The following EEF2K variants were observed in gnomAD, a reference collection of about 807,000 sequenced individuals.
The protein encoded by EEF2K is eukaryotic elongation factor 2 kinase, also known as alternative protein EEF2K.
Under a neutral mutation model 93.8 loss-of-function variants are expected in EEF2K, and 70 were observed. The observed-to-expected ratio is 0.75, with a 90% confidence interval of 0.62 to 0.91. The LOEUF (loss-of-function observed/expected upper bound fraction) is 0.91. Among genes scored for constraint, EEF2K ranks in the 40% least tolerant of loss-of-function variants. EEF2K has a pLI of 0.00. For missense variants in EEF2K, 935 were observed against 972.9 expected, an observed-to-expected ratio of 0.96 and a Z score of 0.52; for synonymous variants, 376 against 380.8, an observed-to-expected ratio of 0.99 and a Z score of 0.15.
At chr16:22,274,024 G>A (rs916101617) in intron 16 of EEF2K, among the ~76,000 whole-genome samples, 3 of 152,224 alleles carry the variant, frequency 2.0e-5, no homozygotes, top group African/African-American at 7.2e-5. Context: ...CATGTGGTAT[G>A]GCTGGGCGCG....
At chr16:22,240,249 A>G (rs2047208944) in intron 2 of EEF2K, among the ~76,000 whole-genome samples, 1 of 152,220 alleles carries the variant, frequency 6.6e-6, no homozygotes, top group African/African-American at 2.4e-5. Flanking sequence ...TGAATAATCA[A>G]GTCAATAACA....
rs2047678727 is a variant in EEF2K, at chr16:22,280,208, T to G, written c.1900T>G (p.Trp634Gly). 17 of 1,509,072 alleles carry G rather than the reference T, an allele frequency of 1.1e-5. No individual in the cohort carries two copies. The highest frequency in any genetic ancestry group is 1.4e-5 in the Non-Finnish European group (16 of 1,125,128). 93.5% of individuals were successfully genotyped at this position (1,509,072 alleles called of 1,614,324 possible). A position where few individuals can be genotyped will look rare whatever the true frequency, so the allele number is the denominator to read the frequency against. ...QNLSPDRCQD[W>G]LEALHWYNTA... Reference sequence around the variant, plus strand: ...GTATCTCCTGGCAAGGTGCCAAGACTGGCTAGAGGCCCTGCACTGGTACAA... The same window carrying G: ...GTATCTCCTGGCAAGGTGCCAAGACGGGCTAGAGGCCCTGCACTGGTACAA... The change falls in exon 17 of 18, where the codon TGG becomes GGG. Residue 634 changes from tryptophan (W) to glycine (G), a missense_variant. Coordinates refer to ENST00000263026, the MANE Select transcript of EEF2K (RefSeq NM_013302.5).
chr16:22,286,539 C>G lies in EEF2K; in HGVS notation c.*2543C>G, dbSNP rs1011597898. 1 of 152,252 alleles carries G rather than the reference C, an allele frequency of 6.6e-6. No individual in the cohort carries two copies. Among genetic ancestry groups the G allele is most frequent in the Admixed American group, 6.5e-5 (1 of 15,284 alleles). 9.4% of individuals were successfully genotyped at this position (152,252 alleles called of 1,614,324 possible). ...GGCCATATAGCCTCTGCTGCAAATG[C>G]TCAGCCCTGCTGTTGTAATGTAAAA... On this transcript the variant is annotated 3_prime_UTR_variant, in exon 18 of 18. Transcript: ENST00000263026.
At chr16:22,268,163 CTTAT>C (rs1295208666) in intron 15 of EEF2K, among the ~76,000 whole-genome samples, 1 of 152,036 alleles carries the variant, frequency 6.6e-6, no homozygotes, top group Admixed American at 6.6e-5. Context: ...TGATTAAAAA[CTTAT>C]TTATTTATTG....
intron 2 of EEF2K, among the ~76,000 whole-genome samples, chr16:22,238,523 A>G (rs920168292): frequency 6.6e-5 from 10 of 151,922 alleles, no homozygotes; most frequent in African/African-American, 2.4e-4. Context: ...GTGAGCACCC[A>G]TAGTCCCAGC....
intron 6 of EEF2K, among the ~76,000 whole-genome samples, chr16:22,256,162 A>G (rs1412847485): frequency 1.3e-5 from 2 of 151,974 alleles, no homozygotes; most frequent in African/African-American, 2.4e-5. Flanking sequence ...CAGTGGTGCA[A>G]TCTTGGCTCA....
At chr16:22,255,236 A>G (rs910157906) in intron 6 of EEF2K, among the ~76,000 whole-genome samples, 2 of 152,208 alleles carry the variant, frequency 1.3e-5, no homozygotes, top group Non-Finnish European at 2.9e-5. Context: ...GGCATAGTCT[A>G]AGTTGCTTAG....
intron 4 of EEF2K, among the ~76,000 whole-genome samples, chr16:22,250,403 C>A (rs1263517408): frequency 6.6e-6 from 1 of 152,108 alleles, no homozygotes; most frequent in Non-Finnish European, 1.5e-5. Flanking sequence ...CATCATCCTG[C>A]CCCCGTGGAT....
intron 6 of EEF2K, among the ~76,000 whole-genome samples, chr16:22,251,905 C>T (rs1941937589): frequency 6.6e-6 from 1 of 152,058 alleles, no homozygotes. Context: ...ACAATCCTCC[C>T]AGCTTGGCCT....
chr16:22,219,722 A>G (rs1357367174), intron 1 of EEF2K, among the ~76,000 whole-genome samples: 1 of 152,238 alleles, frequency 6.6e-6, no homozygotes, highest in East Asian at 1.9e-4. Context: ...AGTAGAAAGG[A>G]AAAAAGAAAA....
In EEF2K at chr16:22,253,980, T is replaced by G. The variant is rs1469931525; in HGVS notation, c.618+2658T>G. On this transcript the variant is annotated intron_variant, in intron 6 of 17. Transcript: ENST00000263026. ...TGGGCATGGTGGTGCACGCCTGTAA[T>G]CCCAGCTACTTGGGAGGCTGAGGCA... Among the ~76,000 whole-genome samples, 3 of 152,184 alleles carry G rather than the reference T, an allele frequency of 2.0e-5. No homozygotes were observed. The East Asian group carries it at 5.8e-4, about 29-fold the overall frequency.
chr16:22,268,313 G>A (rs967977702), intron 15 of EEF2K, among the ~76,000 whole-genome samples: 1 of 151,928 alleles, frequency 6.6e-6, no homozygotes, highest in African/African-American at 2.4e-5. Flanking sequence ...CGAGTAGCTG[G>A]GATTACAGGT....
intron 7 of EEF2K, 21 bp downstream of exon 7, chr16:22,256,918 A>G (rs370290772): frequency 6.2e-7 from 1 of 1,612,286 alleles, no homozygotes; most frequent in African/African-American, 1.3e-5. Context: ...GCTCACCTCC[A>G]CCCTCTGCCC....
chr16:22,266,715 G>T lies in EEF2K; in HGVS notation c.1603G>T (p.Glu535Ter). 1.9e-6 allele frequency: 3 copies of T among 1,613,130 alleles called. No individual in the cohort carries two copies. Among genetic ancestry groups the T allele is most frequent in the Non-Finnish European group, 2.5e-6 (3 of 1,179,506 alleles). Residue 535 changes from glutamate (E) to a stop codon, truncating the protein, a stop_gained, in exon 15 of 18, where the codon GAG (glutamate) becomes TAG (stop). Transcript: ENST00000263026. LOFTEE classifies it high-confidence loss of function. ...KVHLAMVRYH[E>*]GGRFCEKGEE... Reference sequence around the variant, plus strand: ...CCATCTGGCCATGGTGCGCTACCACGAGGGTGGGCGCTTCTGCGAGAAGGG... The same window carrying T: ...CCATCTGGCCATGGTGCGCTACCACTAGGGTGGGCGCTTCTGCGAGAAGGG...
In EEF2K at chr16:22,286,524, C is replaced by T. The variant is rs2047754932; in HGVS notation, c.*2528C>T. On this transcript the variant is annotated 3_prime_UTR_variant, in exon 18 of 18. Transcript: ENST00000263026. ...ATTTTAGGCTTTGCAGGCCATATAG[C>T]CTCTGCTGCAAATGCTCAGCCCTGC... The T allele has an allele frequency of 1.3e-5, 2 of 152,194 alleles. No homozygotes were observed. Among genetic ancestry groups the T allele is most frequent in the Non-Finnish European group, 2.9e-5 (2 of 68,040 alleles). 9.4% of individuals were successfully genotyped at this position (152,194 alleles called of 1,614,324 possible). A position where few individuals can be genotyped will look rare whatever the true frequency, so the allele number is the denominator to read the frequency against.
At chr16:22,265,167 T>TAAGA in intron 13 of EEF2K, 10 of 314,616 alleles carry the variant, frequency 3.2e-5, no homozygotes, top group South Asian at 1.8e-4. Context: ...TGAAGGCACT[T>TAAGA]CGCAGTAATC....
intron 15 of EEF2K, among the ~76,000 whole-genome samples, chr16:22,267,922 G>C (rs989939786): frequency 6.6e-6 from 1 of 152,124 alleles, no homozygotes; most frequent in African/African-American, 2.4e-5. Flanking sequence ...GAGAAGTTGA[G>C]AAGCCCTTGG....
intron 1 of EEF2K, among the ~76,000 whole-genome samples, chr16:22,208,756 T>C (rs2046887971): frequency 6.6e-6 from 1 of 151,742 alleles, no homozygotes; most frequent in South Asian, 2.1e-4. Context: ...AAAAAATCTC[T>C]GATTTGCTTT....
intron 2 of EEF2K, among the ~76,000 whole-genome samples, chr16:22,235,666 T>G (rs938903300): frequency 3.9e-5 from 6 of 152,032 alleles, no homozygotes; most frequent in African/African-American, 1.5e-4. Flanking sequence ...CCTGACTAAT[T>G]TTGCATTTTT....
Sources: gnomAD v4.1 joint callset for allele counts (sites outside exome capture counted in the v4.1 genomes callset) on GRCh38, gnomAD v4.1.1 for gene constraint, MANE v1.5 for transcripts, NCBI Gene and HGNC (gene_info 2026-07-23, HGNC 2026-07-21) for gene names.